TTLL11: variants seen among roughly 807,000 people sequenced by gnomAD.
TTLL11 encodes tubulin polyglutamylase TTLL11.
In TTLL11, 42 loss-of-function variants were observed where a neutral mutation model predicts 51.7. That is an observed-to-expected ratio of 0.81 (90% CI 0.64 to 1.05). The LOEUF (loss-of-function observed/expected upper bound fraction) is 1.05. Among genes scored for constraint, TTLL11 ranks in the 50% least tolerant of loss-of-function variants. TTLL11 has a pLI of 0.00. For synonymous variants in TTLL11, 381 were observed against 383.5 expected, an observed-to-expected ratio of 0.99 and a Z score of 0.08; for missense variants, 799 against 940.4, an observed-to-expected ratio of 0.85 and a Z score of 1.97.
intron 6 of TTLL11, among the ~76,000 whole-genome samples, chr9:121,945,622 C>T (rs1841633710): frequency 6.6e-6 from 1 of 152,228 alleles, no homozygotes; most frequent in Non-Finnish European, 1.5e-5. Context: ...CAAATTCATT[C>T]CCTCTGCTTC....
At chr9:121,941,712 C>T (rs1200668664) in intron 6 of TTLL11, among the ~76,000 whole-genome samples, 1 of 152,198 alleles carries the variant, frequency 6.6e-6, no homozygotes, top group African/African-American at 2.4e-5. Context: ...TGCCAACTGG[C>T]CCTGCAGCCT....
At chr9:121,849,031 G>T (rs1156489526) in intron 8 of TTLL11, among the ~76,000 whole-genome samples, 4 of 152,216 alleles carry the variant, frequency 2.6e-5, no homozygotes, top group Non-Finnish European at 5.9e-5. Flanking sequence ...AAACAGTATG[G>T]TATTAGTAAA....
rs574609135 is a variant in TTLL11, at chr9:122,052,193, C to T, written c.463-12825G>A. Among the ~76,000 whole-genome samples the T allele has an allele frequency of 2.6e-5, 4 of 152,336 alleles. No individual in the cohort carries two copies. The South Asian group carries it at 6.2e-4, about 24-fold the overall frequency. On this transcript the variant is annotated intron_variant, in intron 1 of 8. Coordinates refer to ENST00000321582, the MANE Select transcript of TTLL11 (RefSeq NM_001139442.2). ...CAGGCCTGAAAGAGGGAGGCCCGCT[C>T]ACTTCTCTGCCTTGCTGCTCACATC...
intron 6 of TTLL11, among the ~76,000 whole-genome samples, chr9:121,875,031 C>T (rs757574565): frequency 3.0e-4 from 46 of 152,046 alleles, no homozygotes; most frequent in Non-Finnish European, 6.0e-4. Context: ...CTCTGTCCAA[C>T]GATGTCATTT....
chr9:121,826,184 C>CTA (rs1166211047), intron 8 of TTLL11, among the ~76,000 whole-genome samples: 1,129 of 51,084 alleles, frequency 0.022, 36 homozygotes, highest in African/African-American at 0.026. Context: ...AACCAGTAAC[C>CTA]TATATATATA....
At position 121,922,027 on chromosome 9, in the gene TTLL11, C is replaced by G. The variant is rs533351402; in HGVS notation, c.1482-51279G>C. 5.1e-4 allele frequency among the ~76,000 whole-genome samples: 77 copies of G among 152,302 alleles called. 3 individuals carry two copies. In the South Asian group the frequency reaches 0.016, roughly 31 times the overall value. On this transcript the variant is annotated intron_variant, in intron 6 of 8. Coordinates refer to ENST00000321582, the MANE Select transcript of TTLL11 (RefSeq NM_001139442.2). ...CATCTTCAAGGAGCTTAGCACACAA[C>G]CTGGCGACTGGTCAGCACTTTCTAA...
At chr9:121,988,917 G>A (rs1044848895) in intron 4 of TTLL11, 5 of 610,264 alleles carry the variant, frequency 8.2e-6, no homozygotes, top group Admixed American at 7.0e-5. Flanking sequence ...TGCTTTACAT[G>A]TGTTATCTCA....
At chr9:121,895,955 GGTGTGT>G (rs1348711700) in intron 6 of TTLL11, among the ~76,000 whole-genome samples, 1 of 16,728 alleles carries the variant, frequency 6.0e-5, no homozygotes, top group Non-Finnish European at 1.3e-4. Flanking sequence ...TGTGGGTGTG[GGTGTGT>G]GGGTGTGGGT....
chr9:121,862,947 C>A (rs1014545620), intron 7 of TTLL11, among the ~76,000 whole-genome samples: 2 of 152,144 alleles, frequency 1.3e-5, no homozygotes, highest in African/African-American at 4.8e-5. Flanking sequence ...CCCAAGCGCA[C>A]CCCTAATGAC....
rs1210328434 is a variant in TTLL11 at position 121,853,812 on chromosome 9, C to T, written c.1840+6525G>A. Among the ~76,000 whole-genome samples the T allele has an allele frequency of 2.6e-5, 4 of 152,214 alleles. No individual in the cohort carries two copies. The highest frequency in any genetic ancestry group is 1.9e-4 in the East Asian group (1 of 5,196). On this transcript the variant is annotated intron_variant, in intron 8 of 8. Coordinates refer to ENST00000321582, the MANE Select transcript of TTLL11 (RefSeq NM_001139442.2). The surrounding 1 kb of genome is among the most constrained non-coding windows in gnomAD (Gnocchi z 5.6). ...ACCAAGGGAGAGTCTGTTGCGGCCA[C>T]GTCCTGACCCTCTCATCTGGCTGTG... is the stretch of plus-strand genomic sequence containing the variant.
chr9:121,830,124 G>A (rs896915330), intron 8 of TTLL11, among the ~76,000 whole-genome samples: 1 of 152,206 alleles, frequency 6.6e-6, no homozygotes, highest in East Asian at 1.9e-4. Flanking sequence ...TAACAGTCGT[G>A]TGATGCAGGT....
intron 3 of TTLL11, among the ~76,000 whole-genome samples, chr9:122,003,553 C>T (rs1327730900): frequency 2.1e-5 from 3 of 143,846 alleles, no homozygotes; most frequent in African/African-American, 7.9e-5. Context: ...GGTGCAATCT[C>T]GGCTCACTGC....
At chr9:122,051,812 C>G (rs1845168504) in intron 1 of TTLL11, among the ~76,000 whole-genome samples, 1 of 152,114 alleles carries the variant, frequency 6.6e-6, no homozygotes, top group African/African-American at 2.4e-5. Context: ...CTGACACACA[C>G]CCAAACCTAA....
At chr9:121,854,731 C>T (rs1030853223) in intron 8 of TTLL11, among the ~76,000 whole-genome samples, 5 of 152,148 alleles carry the variant, frequency 3.3e-5, no homozygotes, top group Non-Finnish European at 7.3e-5. Context: ...GCAAAGTCTC[C>T]ATGATAAGAA....
intron 6 of TTLL11, among the ~76,000 whole-genome samples, chr9:121,944,144 C>G (rs566009364): frequency 6.6e-6 from 1 of 152,204 alleles, no homozygotes; most frequent in Non-Finnish European, 1.5e-5. Flanking sequence ...CATGAATAAT[C>G]ATTGAAGGAC....
At chr9:121,931,601 A>AG (rs922971427) in intron 6 of TTLL11, among the ~76,000 whole-genome samples, 133 of 146,362 alleles carry the variant, frequency 9.1e-4, no homozygotes, top group East Asian at 3.6e-3. Context: ...AAAAAAAAAA[A>AG]AAAAGAAAAG....
chr9:122,008,872 G>A (rs895041925), intron 3 of TTLL11, among the ~76,000 whole-genome samples: 1 of 152,200 alleles, frequency 6.6e-6, no homozygotes, highest in African/African-American at 2.4e-5. Context: ...TAAGAAAGAA[G>A]GAAATCCTGT....
Position 121,818,685 on chromosome 9 carries a change from G to T in TTLL11, c.*3902C>A. On this transcript the variant is annotated 3_prime_UTR_variant, in exon 9 of 9. Transcript: ENST00000321582. Reference sequence around the variant, plus strand: ...ACCTTGAAAGTCTGTTTGCCACTGGGCAGAGGAAGGCCATTCCAGGCAGAG... The same window carrying T: ...ACCTTGAAAGTCTGTTTGCCACTGGTCAGAGGAAGGCCATTCCAGGCAGAG... 1 of 152,624 alleles carries T rather than the reference G, an allele frequency of 6.6e-6. No individual in the cohort carries two copies. The highest frequency in any genetic ancestry group is 1.5e-5 in the Non-Finnish European group (1 of 68,254). 9.5% of individuals were successfully genotyped at this position (152,624 alleles called of 1,614,324 possible). A position where few individuals can be genotyped will look rare whatever the true frequency, so the allele number is the denominator to read the frequency against.
intron 6 of TTLL11, among the ~76,000 whole-genome samples, chr9:121,873,298 C>G (rs574855435): frequency 6.6e-6 from 1 of 152,072 alleles, no homozygotes; most frequent in African/African-American, 2.4e-5. Flanking sequence ...CCTGTATCAT[C>G]TAGCTGAACT....
Sources: allele counts gnomAD v4.1 joint callset (sites outside exome capture counted in the v4.1 genomes callset), GRCh38; gene constraint gnomAD v4.1.1; non-coding constraint Gnocchi (gnomAD v3.1); transcripts MANE v1.5; gene names NCBI Gene and HGNC (gene_info 2026-07-23, HGNC 2026-07-21).